ARHGAP32: variants seen among roughly 807,000 people sequenced by gnomAD.
The protein encoded by ARHGAP32 is Rho GTPase activating protein 32.
Under a neutral mutation model 186.5 loss-of-function variants are expected in ARHGAP32, and 51 were observed. The ratio of observed to expected loss-of-function variants is 0.27; its 90% CI spans 0.22 to 0.35. The LOEUF (loss-of-function observed/expected upper bound fraction) is 0.35. ARHGAP32 is among the 10% of genes least tolerant of loss of function. The pLI, the probability that ARHGAP32 is intolerant of heterozygous loss-of-function variation, is 1.00. For missense variants in ARHGAP32, 2,186 were observed against 2,623.5 expected (o/e 0.83, Z 3.64); for synonymous variants, 950 against 964.3 (o/e 0.99, Z 0.27).
chr11:129,066,654 T>C (rs1311310940), intron 7 of ARHGAP32, 77 bp downstream of exon 7: 3 of 1,410,650 alleles, frequency 2.1e-6, no homozygotes, highest in African/African-American at 2.8e-5. Flanking sequence ...TATAAGCTTT[T>C]GTTTAGTATA....
chr11:129,097,602 CA>C (rs1439586619), intron 5 of ARHGAP32, among the ~76,000 whole-genome samples: 1 of 151,582 alleles, frequency 6.6e-6, no homozygotes, highest in African/African-American at 2.4e-5. Flanking sequence ...AAAGATAAGA[CA>C]AAAGAGATGA....
In ARHGAP32 at chr11:129,117,736, TAAAG is replaced by T. The variant is rs149702959; in HGVS notation, c.444+5706_444+5709del. ...GTGATAACTTCAGATAACCAGATGATAAAGAAAATACAAATCAAACATATCCTTT... is the reference window on the plus strand; with the variant it reads ...GTGATAACTTCAGATAACCAGATGATAAAATACAAATCAAACATATCCTTT... On this transcript the variant is annotated intron_variant, in intron 5 of 22. Coordinates refer to ENST00000682385, the MANE Select transcript of ARHGAP32 (RefSeq NM_001378024.1). Among the ~76,000 whole-genome samples, 965 of 151,948 alleles carry T rather than the reference TAAAG, an allele frequency of 6.4e-3. 9 individuals carry two copies. Among genetic ancestry groups the T allele is most frequent in the African/African-American group, 0.022 (923 of 41,482 alleles).
At chr11:129,187,672 AC>A (rs369338571) in intron 1 of ARHGAP32, among the ~76,000 whole-genome samples, 3 of 152,210 alleles carry the variant, frequency 2.0e-5, no homozygotes, top group Non-Finnish European at 4.4e-5. Context: ...AAAAATATAT[AC>A]CCACTATGAA....
chr11:129,173,059 A>G (rs974119531), intron 1 of ARHGAP32, among the ~76,000 whole-genome samples: 6 of 151,954 alleles, frequency 3.9e-5, no homozygotes, highest in African/African-American at 1.4e-4. Flanking sequence ...CAAACAAACA[A>G]AAAACCACTA....
chr11:129,278,799 C>T (rs1170602660), intron 1 of ARHGAP32, among the ~76,000 whole-genome samples: 1 of 151,690 alleles, frequency 6.6e-6, no homozygotes, highest in Non-Finnish European at 1.5e-5. Flanking sequence ...CCTGGAGCCC[C>T]CACTCGGCCG....
At chr11:129,188,632 C>A (rs2135548709) in intron 1 of ARHGAP32, among the ~76,000 whole-genome samples, 1 of 152,268 alleles carries the variant, frequency 6.6e-6, no homozygotes, top group East Asian at 1.9e-4. Flanking sequence ...ATGCAACCAA[C>A]CAACGAGTCA....
chr11:129,178,595 A>G (rs1330463815), intron 1 of ARHGAP32, among the ~76,000 whole-genome samples: 2 of 151,808 alleles, frequency 1.3e-5, no homozygotes, highest in African/African-American at 4.8e-5. Flanking sequence ...CAAAACAGAG[A>G]TATAGATCAA....
At chr11:129,143,511 T>C (rs968280121) in intron 2 of ARHGAP32, among the ~76,000 whole-genome samples, 2 of 152,152 alleles carry the variant, frequency 1.3e-5, no homozygotes, top group Non-Finnish European at 2.9e-5. Context: ...GCATCTACAC[T>C]GTGGACTACC....
rs867598337 is a variant in ARHGAP32 at position 128,986,801 on chromosome 11, T to C, written c.1299-133A>G. 29 of 794,788 alleles carry C rather than the reference T, an allele frequency of 3.6e-5. 1 individual carries two copies. Among genetic ancestry groups the C allele is most frequent in the Middle Eastern group, 3.3e-4 (1 of 2,992 alleles). 49.2% of individuals were successfully genotyped at this position (794,788 alleles called of 1,614,324 possible). On this transcript the variant is annotated intron_variant, in intron 13 of 22. Coordinates refer to ENST00000682385, the MANE Select transcript of ARHGAP32 (RefSeq NM_001378024.1). ...AGTTGCTATTATCTTCCATTAATTA[T>C]ATTTCATTTAAGTTGTGTTTGGACT...
intron 5 of ARHGAP32, among the ~76,000 whole-genome samples, chr11:129,095,064 T>C (rs1941693496): frequency 6.6e-6 from 1 of 152,156 alleles, no homozygotes. Flanking sequence ...TTTTTTAAAC[T>C]TCAGATATTA....
At chr11:129,119,668 G>C (rs1306385389) in intron 5 of ARHGAP32, among the ~76,000 whole-genome samples, 1 of 152,048 alleles carries the variant, frequency 6.6e-6, no homozygotes, top group Non-Finnish European at 1.5e-5. Flanking sequence ...AAAACAAAGA[G>C]AGGGAGATGA....
chr11:129,113,176 A>G (rs1376712901), intron 5 of ARHGAP32, among the ~76,000 whole-genome samples: 2 of 152,172 alleles, frequency 1.3e-5, no homozygotes, highest in Non-Finnish European at 2.9e-5. Flanking sequence ...TGCACCAAAT[A>G]CAATGAAAAG....
intron 1 of ARHGAP32, among the ~76,000 whole-genome samples, chr11:129,218,934 G>A (rs568326901): frequency 5.3e-5 from 8 of 152,264 alleles, no homozygotes; most frequent in African/African-American, 1.9e-4. Flanking sequence ...AACAGGAATT[G>A]AGCAAAGAAA....
chr11:129,235,577 TAAGAG>T (rs774813880), intron 1 of ARHGAP32, among the ~76,000 whole-genome samples: 42 of 152,132 alleles, frequency 2.8e-4, no homozygotes, highest in Admixed American at 1.6e-3. Flanking sequence ...GGTCTTCATA[TAAGAG>T]AAAACAGGTG....
At chr11:129,132,148 G>A (rs1009550309) in intron 2 of ARHGAP32, among the ~76,000 whole-genome samples, 1 of 152,180 alleles carries the variant, frequency 6.6e-6, no homozygotes, top group African/African-American at 2.4e-5. Flanking sequence ...AAGAAAAGCA[G>A]TCTTGGAGAG....
chr11:129,096,482 G>C (rs1411240873), intron 5 of ARHGAP32, among the ~76,000 whole-genome samples: 1 of 152,080 alleles, frequency 6.6e-6, no homozygotes, highest in Non-Finnish European at 1.5e-5. Context: ...GTTCATTTTG[G>C]TCAACATCAG....
chr11:129,018,554 T>A (rs1175314069), intron 11 of ARHGAP32, among the ~76,000 whole-genome samples: 1 of 152,182 alleles, frequency 6.6e-6, no homozygotes, highest in Non-Finnish European at 1.5e-5. Context: ...CCCAAAAGGA[T>A]CTTTAGGCAA....
chr11:129,223,197 T>C (rs1436822153), intron 1 of ARHGAP32, among the ~76,000 whole-genome samples: 2 of 152,126 alleles, frequency 1.3e-5, no homozygotes, highest in African/African-American at 2.4e-5. Flanking sequence ...AATAGCAACA[T>C]CCCAAGGGCT....
In ARHGAP32 at chr11:128,980,637, G is replaced by A. The variant is rs759488468; in HGVS notation, c.1892C>T (p.Thr631Met). The A allele has an allele frequency of 2.1e-5, 34 of 1,613,634 alleles. No homozygotes were observed. The highest frequency in any genetic ancestry group is 1.3e-4 in the South Asian group (12 of 91,026). The change falls in exon 18 of 23, where the codon ACG (threonine) becomes ATG (methionine). Residue 631 changes from threonine (T) to methionine (M), a missense_variant. Around this residue, in one of 5 missense-constraint regions of ARHGAP32, gnomAD observed 263 missense variants for 323.5 expected, o/e 0.81. Transcript: ENST00000682385. ...TCCTACTTCGATATATTTATTTTCC[G>A]TCACAATTGGAGAATTGACCTGAGC... Reference protein sequence around the residue: ...TQAQVNSPIVTENKYIEVGEG... With the variant: ...TQAQVNSPIVMENKYIEVGEG...
Sources: gnomAD v4.1 joint callset for allele counts (sites outside exome capture counted in the v4.1 genomes callset) on GRCh38, gnomAD v4.1.1 for gene constraint, gnomAD v4.1.1 regional missense constraint, MANE v1.5 for transcripts, NCBI Gene and HGNC (gene_info 2026-07-23, HGNC 2026-07-21) for gene names.